GCNA: variants seen among roughly 807,000 people sequenced by gnomAD.
GCNA encodes the protein germ cell nuclear acidic protein.
Under a neutral mutation model 38.8 loss-of-function variants are expected in GCNA, and 3 were observed. That is an observed-to-expected ratio of 0.08 (90% CI 0.04 to 0.20). The LOEUF is 0.20. GCNA is among the 10% of genes least tolerant of loss of function. The pLI, the probability that GCNA is intolerant of heterozygous loss-of-function variation, is 1.00. For missense variants in GCNA, 446 were observed against 578.6 expected, an observed-to-expected ratio of 0.77 and a Z score of 2.35; for synonymous variants, 195 against 240.2, an observed-to-expected ratio of 0.81 and a Z score of 1.74.
chrX:71,593,282 T>C lies in GCNA; in HGVS notation c.140+712T>C, dbSNP rs560723432. ...GCATTTTGATATCCTCTGTGGACTA[T>C]GTGTCACAATAACTAATAACAAGAT... On this transcript the variant is annotated intron_variant, in intron 4 of 12. Transcript: ENST00000373696. 9.6e-3 allele frequency among the ~76,000 whole-genome samples: 1,073 copies of C among 111,995 alleles called. 12 individuals carry two copies. Among genetic ancestry groups the C allele is most frequent in the African/African-American group, 0.031 (953 of 30,816 alleles).
At chrX:71,586,889 T>C (rs1400087476) in intron 2 of GCNA, among the ~76,000 whole-genome samples, 1 of 111,682 alleles carries the variant, frequency 9.0e-6, no homozygotes. Context: ...GGATTACAGG[T>C]GTGAGCCACT....
At chrX:71,606,385 C>A (rs765566180) in intron 9 of GCNA, among the ~76,000 whole-genome samples, 10 of 112,063 alleles carry the variant, frequency 8.9e-5, no homozygotes, top group Non-Finnish European at 1.7e-4. Flanking sequence ...ATCCTGTAGA[C>A]CAAAGACATG....
chrX:71,595,317 A>T (rs1226074172), intron 6 of GCNA, among the ~76,000 whole-genome samples: 2 of 111,088 alleles, frequency 1.8e-5, no homozygotes, highest in Non-Finnish European at 3.8e-5. Flanking sequence ...GCTTGTCTTG[A>T]ACTCCTGACC....
chrX:71,606,505 T>C (rs1438457755), intron 9 of GCNA, among the ~76,000 whole-genome samples: 1 of 112,582 alleles, frequency 8.9e-6, no homozygotes, highest in Non-Finnish European at 1.9e-5. Flanking sequence ...TTGTTTTTAC[T>C]TTCATTGAAG....
intron 6 of GCNA, among the ~76,000 whole-genome samples, chrX:71,596,399 A>G (rs2040672372): frequency 8.9e-6 from 1 of 111,740 alleles, no homozygotes; most frequent in Non-Finnish European, 1.9e-5. Flanking sequence ...ATGGATTTTG[A>G]CAAGCATATA....
chrX:71,600,539 C>T (rs1044207071), intron 7 of GCNA, among the ~76,000 whole-genome samples: 5 of 111,418 alleles, frequency 4.5e-5, no homozygotes, highest in Admixed American at 2.9e-4. Flanking sequence ...TTGGGAAGCC[C>T]GAAGCAACTA....
chrX:71,582,425 T>TA (rs2040554188), intron 2 of GCNA, among the ~76,000 whole-genome samples: 1 of 111,255 alleles, frequency 9.0e-6, no homozygotes, highest in South Asian at 3.8e-4. Context: ...TGATAAATTT[T>TA]AAAATGAGAT....
chrX:71,601,001 C>T (rs1204462170), intron 7 of GCNA, among the ~76,000 whole-genome samples: 1 of 111,755 alleles, frequency 8.9e-6, no homozygotes, highest in Non-Finnish European at 1.9e-5. Flanking sequence ...GTTAACTATT[C>T]TTCTATTCTC....
At chrX:71,609,524 G>A (rs1353894088) in intron 10 of GCNA, among the ~76,000 whole-genome samples, 1 of 112,220 alleles carries the variant, frequency 8.9e-6, no homozygotes, top group Admixed American at 9.4e-5. Flanking sequence ...CTTGACTTCA[G>A]TTTGCCTCAG....
rs1209715932 is a variant in GCNA at position 71,613,467 on chromosome X, A to G, written c.*485A>G. ...GAGGCAACACTTAAACACTAGGGCTACTGTGGCATCTATGTAGACAGGAAA... is the reference window on the plus strand; with the variant it reads ...GAGGCAACACTTAAACACTAGGGCTGCTGTGGCATCTATGTAGACAGGAAA... On this transcript the variant is annotated 3_prime_UTR_variant, in exon 13 of 13. Transcript: ENST00000373696. 8.7e-6 allele frequency: 1 copy of G among 115,275 alleles called. No homozygotes were observed. The highest frequency in any genetic ancestry group is 1.8e-5 in the Non-Finnish European group (1 of 54,895). The allele number at this position is 115,275 out of a possible 1,213,427, so 9.5% of individuals were successfully genotyped here. A position where few individuals can be genotyped will look rare whatever the true frequency, so the allele number is the denominator to read the frequency against.
intron 4 of GCNA, among the ~76,000 whole-genome samples, chrX:71,593,196 A>T (rs1408954977): frequency 3.6e-5 from 4 of 112,237 alleles, no homozygotes; most frequent in Non-Finnish European, 7.5e-5. Context: ...ACCTGGCCTA[A>T]GTCTAACTTT....
Position 71,580,895 on chromosome X carries a change from G to C in GCNA, c.59+15G>C, listed in dbSNP as rs2040542182. ...GACGAGGATTGGTGAGATTTAGAAAGTTCTGTTTTCTTTTAGTTTAGTGTT... is the reference window on the plus strand; with the variant it reads ...GACGAGGATTGGTGAGATTTAGAAACTTCTGTTTTCTTTTAGTTTAGTGTT... On this transcript the variant is annotated intron_variant, in intron 2 of 12. Coordinates refer to ENST00000373696, the MANE Select transcript of GCNA (RefSeq NM_052957.5). The C allele has an allele frequency of 8.4e-7, 1 of 1,185,075 alleles. No homozygotes were observed. Among genetic ancestry groups the C allele is most frequent in the Admixed American group, 2.4e-5 (1 of 42,133 alleles).
intron 7 of GCNA, 91 bp downstream of exon 7, chrX:71,598,129 A>C (rs1441340082): frequency 3.7e-5 from 24 of 649,192 alleles, no homozygotes; most frequent in Non-Finnish European, 5.1e-5. Flanking sequence ...CAGACTTTCT[A>C]TTCAGAATCC....
Position 71,610,151 on chromosome X carries a change from C to T in GCNA, c.1612-530C>T, listed in dbSNP as rs140484718. Among the ~76,000 whole-genome samples the T allele has an allele frequency of 1.5e-3, 169 of 111,599 alleles. 1 individual carries two copies. In the East Asian group the frequency reaches 0.038, roughly 25 times the overall value. ...CTGATTGCCTGTTTGTTGTCTTTACCCAGACGTTAATGTGGCTTTTATTCT... is the reference window on the plus strand; with the variant it reads ...CTGATTGCCTGTTTGTTGTCTTTACTCAGACGTTAATGTGGCTTTTATTCT... On this transcript the variant is annotated intron_variant, in intron 10 of 12. Transcript: ENST00000373696.
chrX:71,603,485 C>T, intron 7 of GCNA, 103 bp from the exon 8 acceptor site: 1 of 1,089,122 alleles, frequency 9.2e-7, no homozygotes, highest in East Asian at 3.0e-5. Flanking sequence ...TGTCACAGTT[C>T]CTGTCTTGTT....
Position 71,585,116 on chromosome X carries a change from G to T in GCNA, c.59+4236G>T, listed in dbSNP as rs1211639548. On this transcript the variant is annotated intron_variant, in intron 2 of 12. Transcript: ENST00000373696. ...GCTTGAGTCCAGGAGTTTGAGACCA[G>T]CCTGGCCAACATGGTGAAACCCTGT... Among the ~76,000 whole-genome samples, 3 of 109,341 alleles carry T rather than the reference G, an allele frequency of 2.7e-5. No homozygotes were observed. In the East Asian group the frequency reaches 8.6e-4, roughly 32 times the overall value. 94.9% of individuals were successfully genotyped at this position (109,341 alleles called of 115,157 possible).
At chrX:71,601,223 A>C (rs1309469649) in intron 7 of GCNA, among the ~76,000 whole-genome samples, 1 of 110,406 alleles carries the variant, frequency 9.1e-6, no homozygotes, top group African/African-American at 3.3e-5. Context: ...GCGTGCCTGT[A>C]GTCCCCGCTA....
chrX:71,580,762 C>T, intron 1 of GCNA, 58 bp from the exon 2 acceptor site: 9 of 1,115,274 alleles, frequency 8.1e-6, no homozygotes, highest in Non-Finnish European at 9.7e-6. Context: ...GCGTGAGCCA[C>T]TGCGCCCGGC....
At chrX:71,595,302 T>G (rs1023885000) in intron 6 of GCNA, among the ~76,000 whole-genome samples, 1 of 111,426 alleles carries the variant, frequency 9.0e-6, no homozygotes, top group Non-Finnish European at 1.9e-5. Context: ...CACCATGTTT[T>G]TCAGGCTTGT....
Sources: gnomAD v4.1 joint callset for allele counts (sites outside exome capture counted in the v4.1 genomes callset) on GRCh38, gnomAD v4.1.1 for gene constraint, MANE v1.5 for transcripts, NCBI Gene and HGNC (gene_info 2026-07-23, HGNC 2026-07-21) for gene names.